The following CACNA2D3 variants were observed in gnomAD, a reference collection of about 807,000 sequenced individuals.
CACNA2D3 encodes voltage-dependent calcium channel subunit alpha-2/delta-3.
A neutral mutation model predicts 160.6 loss-of-function variants in CACNA2D3; 60 were observed. The ratio of observed to expected loss-of-function variants is 0.37; its 90% CI spans 0.30 to 0.46. CACNA2D3 has a LOEUF of 0.46. CACNA2D3 is among the 20% of genes least tolerant of loss of function. The pLI is 1.00. For missense variants in CACNA2D3, 1,205 were observed against 1,365.0 expected, an observed-to-expected ratio of 0.88 and a Z score of 1.85; for synonymous variants, 558 against 492.9, an observed-to-expected ratio of 1.13 and a Z score of -1.75.
chr3:54,380,741 C>CAAAAAAA (rs1699089438), intron 3 of CACNA2D3, among the ~76,000 whole-genome samples: 1 of 151,418 alleles, frequency 6.6e-6, no homozygotes, highest in African/African-American at 2.4e-5. Context: ...AACAAAAAAA[C>CAAAAAAA]AAAAAAACAA....
intron 13 of CACNA2D3, among the ~76,000 whole-genome samples, chr3:54,777,704 A>C (rs1051620271): frequency 6.6e-6 from 1 of 152,152 alleles, no homozygotes; most frequent in African/African-American, 2.4e-5. Context: ...TCTGTCACTT[A>C]GCCAGCTGTT....
chr3:54,826,518 C>T (rs1575498247), intron 14 of CACNA2D3, among the ~76,000 whole-genome samples: 1 of 152,154 alleles, frequency 6.6e-6, no homozygotes, highest in African/African-American at 2.4e-5. Context: ...AAATGACTCA[C>T]GAAATTGAAC....
chr3:55,052,261 A>G (rs1176168959), intron 35 of CACNA2D3, among the ~76,000 whole-genome samples: 1 of 152,018 alleles, frequency 6.6e-6, no homozygotes, highest in Non-Finnish European at 1.5e-5. Context: ...TCTGTTACTG[A>G]TTTGGAGTTC....
At chr3:54,628,978 A>T (rs496625) in intron 10 of CACNA2D3, among the ~76,000 whole-genome samples, 1 of 151,952 alleles carries the variant, frequency 6.6e-6, no homozygotes, top group East Asian at 2.0e-4. Context: ...GAAAATGCCT[A>T]TCCCCTGAGA....
intron 10 of CACNA2D3, 40 bp downstream of exon 10, chr3:54,627,916 A>G (rs751867505): frequency 6.8e-6 from 9 of 1,316,440 alleles, no homozygotes; most frequent in Non-Finnish European, 9.7e-6. Flanking sequence ...TCCCTTGGAG[A>G]ATAGATGGGT....
chr3:54,732,959 A>T (rs1368988258), intron 11 of CACNA2D3, among the ~76,000 whole-genome samples: 11 of 152,250 alleles, frequency 7.2e-5, no homozygotes, highest in Non-Finnish European at 4.4e-5. Flanking sequence ...GTACTTGGAC[A>T]TCGGTGGAAG....
chr3:54,330,802 C>G (rs1334252194), intron 3 of CACNA2D3, among the ~76,000 whole-genome samples: 1 of 152,192 alleles, frequency 6.6e-6, no homozygotes, highest in Non-Finnish European at 1.5e-5. Flanking sequence ...GACTTCCCTT[C>G]AAAGGGCTCA....
intron 11 of CACNA2D3, among the ~76,000 whole-genome samples, chr3:54,643,955 G>A (rs1300616967): frequency 1.3e-5 from 2 of 152,170 alleles, no homozygotes; most frequent in East Asian, 3.9e-4. Context: ...ATTTATAAAA[G>A]CAGAAGAAAG....
intron 34 of CACNA2D3, among the ~76,000 whole-genome samples, chr3:55,013,329 G>A (rs1703251213): frequency 6.6e-6 from 1 of 152,204 alleles, no homozygotes; most frequent in African/African-American, 2.4e-5. Context: ...AGCGAGAGCT[G>A]CAGCTACTGC....
chr3:54,920,481 CA>C (rs1257479653), intron 27 of CACNA2D3, among the ~76,000 whole-genome samples: 1 of 152,176 alleles, frequency 6.6e-6, no homozygotes, highest in African/African-American at 2.4e-5. Context: ...CACCCTAAAG[CA>C]GAAAGATAAA....
intron 18 of CACNA2D3, among the ~76,000 whole-genome samples, chr3:54,873,581 G>A (rs574704397): frequency 1.1e-4 from 17 of 152,152 alleles, no homozygotes; most frequent in Admixed American, 1.3e-4. Context: ...TTGCTTTCTC[G>A]TTGGAGCTGC....
chr3:54,289,312 T>C (rs1385928136), intron 2 of CACNA2D3, among the ~76,000 whole-genome samples: 1 of 151,930 alleles, frequency 6.6e-6, no homozygotes, highest in African/African-American at 2.4e-5. Flanking sequence ...TCACAATTGC[T>C]TCAAAGAGAA....
intron 2 of CACNA2D3, among the ~76,000 whole-genome samples, chr3:54,254,548 C>T (rs1202005149): frequency 6.6e-6 from 1 of 152,126 alleles, no homozygotes; most frequent in Non-Finnish European, 1.5e-5. Flanking sequence ...GGTCAAATTA[C>T]CTAACCTTTC....
At chr3:55,022,445 T>G (rs543679790) in intron 35 of CACNA2D3, among the ~76,000 whole-genome samples, 4 of 152,288 alleles carry the variant, frequency 2.6e-5, no homozygotes, top group Admixed American at 2.6e-4. Context: ...TTTTAAAATT[T>G]ATGGTGCTTA....
Position 54,443,302 on chromosome 3 carries a change from T to G in CACNA2D3, c.381+56528T>G, listed in dbSNP as rs367634174. ...GCCATTTGCCTTTTCCTGTGGTTGT[T>G]TAGTTTTGTCATATGAAGTGTATGC... On this transcript the variant is annotated intron_variant, in intron 4 of 37. Transcript: ENST00000474759. 4.6e-5 allele frequency among the ~76,000 whole-genome samples: 7 copies of G among 152,248 alleles called. No individual in the cohort carries two copies. The East Asian group carries it at 9.7e-4, about 21-fold the overall frequency.
intron 13 of CACNA2D3, among the ~76,000 whole-genome samples, chr3:54,798,504 C>G (rs1310198212): frequency 1.3e-5 from 2 of 152,086 alleles, no homozygotes; most frequent in Non-Finnish European, 2.9e-5. Flanking sequence ...CCACTGCACT[C>G]CAGCCTGGGT....
intron 31 of CACNA2D3, among the ~76,000 whole-genome samples, chr3:54,993,496 G>T (rs1702786132): frequency 6.6e-6 from 1 of 152,182 alleles, no homozygotes; most frequent in African/African-American, 2.4e-5. Flanking sequence ...GGACATTTGA[G>T]CCAGGGAGAC....
chr3:54,597,898 C>A (rs1006466553), intron 9 of CACNA2D3, among the ~76,000 whole-genome samples: 1 of 152,058 alleles, frequency 6.6e-6, no homozygotes. Context: ...TAGGTTACTG[C>A]AGCTTTGAGT....
intron 11 of CACNA2D3, among the ~76,000 whole-genome samples, chr3:54,750,169 A>G (rs1435637272): frequency 6.6e-6 from 1 of 152,206 alleles, no homozygotes; most frequent in Non-Finnish European, 1.5e-5. Context: ...CTATGTCTCC[A>G]AGAGAACTCA....
Sources: gnomAD v4.1 joint callset for allele counts (sites outside exome capture counted in the v4.1 genomes callset) on GRCh38, gnomAD v4.1.1 for gene constraint, MANE v1.5 for transcripts, NCBI Gene and HGNC (gene_info 2026-07-23, HGNC 2026-07-21) for gene names.